Variants in GLIS3 observed in about 807,000 individuals in gnomAD.
GLIS3 encodes the protein zinc finger protein GLIS3.
GLIS3 carries 53 observed loss-of-function variants against 78.6 expected under a neutral mutation model. The ratio of observed to expected loss-of-function variants is 0.67; its 90% CI spans 0.54 to 0.85. The LOEUF (loss-of-function observed/expected upper bound fraction) is 0.85. GLIS3 is among the 40% of genes least tolerant of loss of function. GLIS3 has a pLI of 0.00. For synonymous variants in GLIS3, 684 were observed against 509.9 expected, an observed-to-expected ratio of 1.34 and a Z score of -4.60; for missense variants, 1,703 against 1,231.1, an observed-to-expected ratio of 1.38 and a Z score of -5.74.
At chr9:3,879,682 T>G in intron 7 of GLIS3, 87 bp from the exon 8 acceptor site, 1 of 1,417,382 alleles carries the variant, frequency 7.1e-7, no homozygotes, top group African/African-American at 1.4e-5. Flanking sequence ...CAAGCATATT[T>G]GAGGGGCTTG....
intron 4 of GLIS3, among the ~76,000 whole-genome samples, chr9:3,955,748 G>A (rs1409742892): frequency 1.3e-5 from 2 of 152,130 alleles, no homozygotes; most frequent in Non-Finnish European, 1.5e-5. Flanking sequence ...AATAATAATC[G>A]ATAAATTATA....
intron 2 of GLIS3, among the ~76,000 whole-genome samples, chr9:4,190,885 T>C (rs529660835): frequency 1.3e-5 from 2 of 152,226 alleles, no homozygotes; most frequent in East Asian, 1.9e-4. Context: ...TATGCAACAT[T>C]CTTAAAGAAA....
chr9:3,866,396 G>A (rs1820585647), intron 8 of GLIS3, among the ~76,000 whole-genome samples: 1 of 152,172 alleles, frequency 6.6e-6, no homozygotes, highest in African/African-American at 2.4e-5. Flanking sequence ...AGGAGGTGGC[G>A]CTTGCAGTGA....
chr9:4,411,005 C>T, the GLIS3 span, among the ~76,000 whole-genome samples: 4 of 152,070 alleles, frequency 2.6e-5, no homozygotes, highest in Non-Finnish European at 5.9e-5. Context: ...ATGTAACAAC[C>T]TTTACACATT....
intron 10 of GLIS3, among the ~76,000 whole-genome samples, chr9:3,828,954 T>C (rs952652193): frequency 6.6e-6 from 1 of 152,138 alleles, no homozygotes; most frequent in African/African-American, 2.4e-5. Flanking sequence ...GGAAACTATT[T>C]AATATATTTG....
the GLIS3 span, among the ~76,000 whole-genome samples, chr9:4,378,379 A>G: frequency 6.6e-6 from 1 of 152,174 alleles, no homozygotes; most frequent in South Asian, 2.1e-4. Flanking sequence ...CTGAAAACAT[A>G]TTCACTGTTT....
At chr9:4,418,634 G>A in the GLIS3 span, among the ~76,000 whole-genome samples, 27 of 152,050 alleles carry the variant, frequency 1.8e-4, no homozygotes, top group Admixed American at 7.9e-4. Context: ...GGGAGGCAGA[G>A]GTTGCAGTGA....
chr9:4,392,365 C>T, the GLIS3 span, among the ~76,000 whole-genome samples: 7 of 152,116 alleles, frequency 4.6e-5, no homozygotes, highest in African/African-American at 1.7e-4. Context: ...ATGTAACCTG[C>T]ATATCCTGCA....
chr9:4,124,914 G>A (rs905392231), intron 3 of GLIS3, among the ~76,000 whole-genome samples: 4 of 152,184 alleles, frequency 2.6e-5, no homozygotes, highest in African/African-American at 9.7e-5. Flanking sequence ...ATAACTTCTA[G>A]AAGATAAAAT....
At chr9:4,188,561 A>C (rs1287347112) in intron 2 of GLIS3, among the ~76,000 whole-genome samples, 1 of 152,056 alleles carries the variant, frequency 6.6e-6, no homozygotes, top group Middle Eastern at 3.2e-3. Flanking sequence ...GAATAGTTTC[A>C]GAAGTAATGG....
rs1563900305 is a variant in GLIS3, at chr9:4,286,460, C to CA, written c.-36dup. 5.0e-6 allele frequency: 8 copies of CA among 1,611,590 alleles called. No individual in the cohort carries two copies. Among genetic ancestry groups the CA allele is most frequent in the Non-Finnish European group, 6.8e-6 (8 of 1,179,632 alleles). On this transcript the variant is annotated 5_prime_UTR_variant, in exon 2 of 11. Coordinates refer to ENST00000381971, the MANE Select transcript of GLIS3 (RefSeq NM_001042413.2). ...CCTGTGGCCAAGACGGTCAAATATCCAATGTCACTAATGACTCCTTTCAGG... is the reference window on the plus strand; with the variant it reads ...CCTGTGGCCAAGACGGTCAAATATCCAAATGTCACTAATGACTCCTTTCAGG...
intron 2 of GLIS3, among the ~76,000 whole-genome samples, chr9:4,189,701 A>C (rs987970681): frequency 3.5e-4 from 54 of 152,332 alleles, no homozygotes; most frequent in African/African-American, 1.1e-3. Context: ...ATATATATTT[A>C]GGATAGTTAG....
chr9:4,180,656 G>A (rs561378838), intron 2 of GLIS3, among the ~76,000 whole-genome samples: 2 of 152,148 alleles, frequency 1.3e-5, no homozygotes, highest in South Asian at 4.2e-4. Flanking sequence ...TCTTAAAAGG[G>A]GGTAGCATAA....
intron 4 of GLIS3, among the ~76,000 whole-genome samples, chr9:4,066,464 C>A (rs571431260): frequency 6.6e-6 from 1 of 152,152 alleles, no homozygotes; most frequent in Non-Finnish European, 1.5e-5. Context: ...ACTTACCAGC[C>A]CAGAGGAGAA....
chr9:4,069,209 G>C (rs1425732852), intron 4 of GLIS3, among the ~76,000 whole-genome samples: 1 of 152,176 alleles, frequency 6.6e-6, no homozygotes, highest in Non-Finnish European at 1.5e-5. Context: ...AAAACTTTAT[G>C]GTTGGGGGAA....
intron 4 of GLIS3, among the ~76,000 whole-genome samples, chr9:3,966,202 T>A (rs867535369): frequency 6.6e-6 from 1 of 152,230 alleles, no homozygotes; most frequent in South Asian, 2.1e-4. Context: ...GAATGCTCAC[T>A]ATATAACTGT....
the GLIS3 span, among the ~76,000 whole-genome samples, chr9:4,450,614 C>T: frequency 1.3e-5 from 2 of 152,168 alleles, no homozygotes; most frequent in Non-Finnish European, 2.9e-5. Context: ...TCAGGTTACC[C>T]ACAAAGGGAG....
At chr9:4,251,051 G>A (rs1824323619) in intron 2 of GLIS3, among the ~76,000 whole-genome samples, 5 of 152,210 alleles carry the variant, frequency 3.3e-5, no homozygotes, top group African/African-American at 1.2e-4. Context: ...TAGAATAAAT[G>A]TGATGTGGTG....
chr9:4,115,820 T>C (rs934260738), intron 4 of GLIS3, among the ~76,000 whole-genome samples: 8 of 152,308 alleles, frequency 5.3e-5, no homozygotes, highest in African/African-American at 1.9e-4. Flanking sequence ...ATAAATGCTT[T>C]GTGGTCCTAG....
Sources: allele counts gnomAD v4.1 joint callset (sites outside exome capture counted in the v4.1 genomes callset), GRCh38; gene constraint gnomAD v4.1.1; transcripts MANE v1.5; gene names NCBI Gene and HGNC (gene_info 2026-07-23, HGNC 2026-07-21).